EMCN: variants seen among roughly 807,000 people sequenced by gnomAD.
EMCN encodes the protein endomucin, also known as MUC-14.
In EMCN, 37 loss-of-function variants were observed where a neutral mutation model predicts 38.4. The ratio of observed to expected loss-of-function variants is 0.96; its 90% CI spans 0.74 to 1.27. The LOEUF is 1.27. EMCN is among the 50% of genes most tolerant of loss of function. EMCN has a pLI of 0.00. For synonymous variants in EMCN, 95 were observed against 100.8 expected (o/e 0.94, Z 0.35); for missense variants, 318 against 302.8 (o/e 1.05, Z -0.37).
intron 11 of EMCN, among the ~76,000 whole-genome samples, chr4:100,407,003 GT>G (rs1180140128): frequency 6.6e-6 from 1 of 151,980 alleles, no homozygotes; most frequent in Non-Finnish European, 1.5e-5. Flanking sequence ...ATCATTTTTG[GT>G]TTAAAGTCTG....
intron 1 of EMCN, 48 bp downstream of exon 1, chr4:100,517,803 C>T (rs1729797877): frequency 6.4e-7 from 1 of 1,566,484 alleles, no homozygotes; most frequent in Non-Finnish European, 8.8e-7. Flanking sequence ...GAGTCACCTA[C>T]TAGTGATTTC....
chr4:100,439,423 C>T (rs920380135), intron 5 of EMCN, among the ~76,000 whole-genome samples: 1 of 151,500 alleles, frequency 6.6e-6, no homozygotes, highest in African/African-American at 2.4e-5. Context: ...ATTATCCAGT[C>T]GTTGGCATAT....
chr4:100,499,309 T>G (rs1729289960), intron 1 of EMCN, among the ~76,000 whole-genome samples: 1 of 152,220 alleles, frequency 6.6e-6, no homozygotes, highest in Non-Finnish European at 1.5e-5. Flanking sequence ...AACTAACGTA[T>G]GTAAAAGTAT....
At chr4:100,399,086 C>T (rs1726186624) in intron 11 of EMCN, among the ~76,000 whole-genome samples, 1 of 152,096 alleles carries the variant, frequency 6.6e-6, no homozygotes, top group South Asian at 2.1e-4. Context: ...AATGAATAGG[C>T]ATCAGAAGAA....
chr4:100,420,027 C>G (rs1726845677), intron 8 of EMCN, among the ~76,000 whole-genome samples: 1 of 152,080 alleles, frequency 6.6e-6, no homozygotes. Context: ...TTTTTACCTT[C>G]TAACAGTTTA....
chr4:100,429,654 A>T (rs1727144913), intron 5 of EMCN, among the ~76,000 whole-genome samples: 1 of 152,146 alleles, frequency 6.6e-6, no homozygotes, highest in African/African-American at 2.4e-5. Flanking sequence ...CTGAATGGAG[A>T]TTAACGTACT....
chr4:100,448,855 T>TCCTTC (rs1727760620), intron 4 of EMCN, among the ~76,000 whole-genome samples: 1 of 66,094 alleles, frequency 1.5e-5, no homozygotes, highest in Admixed American at 2.0e-4. Context: ...TTCCTTGCTT[T>TCCTTC]CTGGCTTGCT....
intron 1 of EMCN, among the ~76,000 whole-genome samples, chr4:100,511,835 A>T (rs556214315): frequency 8.2e-6 from 1 of 121,490 alleles, no homozygotes; most frequent in South Asian, 3.1e-4. Flanking sequence ...CAGACAGTTT[A>T]TAAAAAAAAA....
chr4:100,475,663 T>TGAGGGCAG (rs1560631511), intron 2 of EMCN, among the ~76,000 whole-genome samples: 1 of 9,066 alleles, frequency 1.1e-4, no homozygotes, highest in Non-Finnish European at 2.4e-4. Context: ...CTAGTCCTTT[T>TGAGGGCAG]TTTTTTTTTT....
At chr4:100,428,020 C>T (rs1727098033) in intron 5 of EMCN, among the ~76,000 whole-genome samples, 1 of 151,912 alleles carries the variant, frequency 6.6e-6, no homozygotes, top group South Asian at 2.1e-4. Flanking sequence ...TCTGTGATCA[C>T]CCTGGTCAAA....
intron 4 of EMCN, among the ~76,000 whole-genome samples, chr4:100,448,985 C>T (rs1235520645): frequency 6.6e-6 from 1 of 151,978 alleles, no homozygotes; most frequent in East Asian, 1.9e-4. Flanking sequence ...ATTCATTCAA[C>T]AGTACTTTTA....
intron 5 of EMCN, among the ~76,000 whole-genome samples, chr4:100,445,725 C>A (rs529469093): frequency 1.0e-3 from 153 of 152,022 alleles, no homozygotes; most frequent in Non-Finnish European, 8.8e-4. Context: ...CTGAAAAAAA[C>A]CAGAAGTATA....
chr4:100,453,750 T>C (rs1211504271), intron 4 of EMCN, among the ~76,000 whole-genome samples: 2 of 152,006 alleles, frequency 1.3e-5, no homozygotes, highest in Non-Finnish European at 2.9e-5. Context: ...CTATTCACAA[T>C]AGCAAAGACT....
At chr4:100,400,882 C>CT (rs369952556) in intron 11 of EMCN, among the ~76,000 whole-genome samples, 34 of 151,094 alleles carry the variant, frequency 2.3e-4, no homozygotes, top group Middle Eastern at 3.4e-3. Flanking sequence ...TCAGTCTTTG[C>CT]TTTTTTTTTA....
chr4:100,511,146 C>G (rs1224191819), intron 1 of EMCN, among the ~76,000 whole-genome samples: 1 of 152,196 alleles, frequency 6.6e-6, no homozygotes, highest in Non-Finnish European at 1.5e-5. Context: ...ACTCAACTTA[C>G]TGAAGTGTCA....
chr4:100,472,943 T>A (rs1409856267), intron 3 of EMCN, among the ~76,000 whole-genome samples: 3 of 149,148 alleles, frequency 2.0e-5, no homozygotes, highest in Non-Finnish European at 4.5e-5. Context: ...TAGATATCCC[T>A]ATCATAAAAT....
rs184935959 is a variant in EMCN, at chr4:100,447,718, A to T, written c.377-147T>A. ...TCAAATCATAAAATCATGATTCTTC[A>T]TGATTACAAGAAACTTCAGAGAAGG... is the stretch of plus-strand genomic sequence containing the variant. On this transcript the variant is annotated intron_variant, in intron 4 of 11. Transcript: ENST00000296420. 3.3e-3 allele frequency: 2,011 copies of T among 617,636 alleles called. 10 individuals are homozygous for T. The highest frequency in any genetic ancestry group is 0.012 in the Middle Eastern group (26 of 2,198). The allele number at this position is 617,636 out of a possible 1,614,324, so 38.3% of individuals were successfully genotyped here.
At chr4:100,412,649 T>G (rs1041805422) in intron 10 of EMCN, among the ~76,000 whole-genome samples, 3 of 152,182 alleles carry the variant, frequency 2.0e-5, no homozygotes, top group Non-Finnish European at 4.4e-5. Context: ...GAGAAGTAGC[T>G]TATATGTTCT....
chr4:100,449,032 A>G (rs1727765510), intron 4 of EMCN, among the ~76,000 whole-genome samples: 1 of 151,978 alleles, frequency 6.6e-6, no homozygotes, highest in African/African-American at 2.4e-5. Context: ...TTAAAAAATT[A>G]TTATTTTCTG....
Sources: gnomAD v4.1 joint callset for allele counts (sites outside exome capture counted in the v4.1 genomes callset) on GRCh38, gnomAD v4.1.1 for gene constraint, MANE v1.5 for transcripts, NCBI Gene and HGNC (gene_info 2026-07-23, HGNC 2026-07-21) for gene names.